ADGRL4: variants seen among roughly 807,000 people sequenced by gnomAD.
ADGRL4 encodes the protein EGF, latrophilin and seven transmembrane domain containing 1.
ADGRL4 carries 90 observed loss-of-function variants against 74.8 expected under a neutral mutation model. That is an observed-to-expected ratio of 1.20 (90% CI 1.02 to 1.43). The LOEUF is 1.43. Among genes scored for constraint, ADGRL4 ranks in the 40% most tolerant of loss-of-function variants. The pLI is 0.00. For synonymous variants in ADGRL4, 311 were observed against 279.2 expected (o/e 1.11, Z -1.14); for missense variants, 881 against 814.3 (o/e 1.08, Z -1.00).
chr1:78,965,300 T>C lies in ADGRL4; in HGVS notation c.173-18874A>G, dbSNP rs373145984. Among the ~76,000 whole-genome samples, 36 of 152,250 alleles carry C rather than the reference T, an allele frequency of 2.4e-4. 1 individual carries two copies. The highest frequency in any genetic ancestry group is 1.4e-3 in the Admixed American group (22 of 15,284). ...AAAATTTAGGCAAAAAACTGACGGATCATTCAATATTAACTATGCTAGAAA... is the reference window on the plus strand; with the variant it reads ...AAAATTTAGGCAAAAAACTGACGGACCATTCAATATTAACTATGCTAGAAA... On this transcript the variant is annotated intron_variant, in intron 2 of 14. Coordinates refer to ENST00000370742, the MANE Select transcript of ADGRL4 (RefSeq NM_022159.4).
intron 3 of ADGRL4, among the ~76,000 whole-genome samples, chr1:78,944,288 C>G (rs1231082814): frequency 6.6e-6 from 1 of 152,156 alleles, no homozygotes; most frequent in Non-Finnish European, 1.5e-5. Flanking sequence ...TAAGATGTTA[C>G]AAGTTAGACT....
At chr1:78,898,129 A>T (rs1410325008) in intron 12 of ADGRL4, among the ~76,000 whole-genome samples, 1 of 152,152 alleles carries the variant, frequency 6.6e-6, no homozygotes, top group Admixed American at 6.6e-5. Context: ...AGGATAAAGA[A>T]TTAGAAAGCA....
chr1:78,988,627 G>T (rs1462074170), intron 2 of ADGRL4, among the ~76,000 whole-genome samples: 1 of 151,780 alleles, frequency 6.6e-6, no homozygotes, highest in African/African-American at 2.4e-5. Context: ...CCCTGACAGA[G>T]TAATTCCAGT....
chr1:78,937,012 G>C (rs6424620), intron 6 of ADGRL4, among the ~76,000 whole-genome samples: 93,249 of 151,980 alleles, frequency 0.61, 28,767 homozygotes, highest in East Asian at 0.7. Context: ...CTCAGAAAAA[G>C]TTTATAGGGA....
intron 2 of ADGRL4, 50 bp downstream of exon 2, chr1:79,005,020 A>C: frequency 6.5e-7 from 1 of 1,533,710 alleles, no homozygotes; most frequent in East Asian, 2.3e-5. Flanking sequence ...CAGTCCCATC[A>C]GAATTTAATC....
intron 2 of ADGRL4, among the ~76,000 whole-genome samples, chr1:78,949,918 T>A (rs1649686621): frequency 6.6e-6 from 1 of 152,158 alleles, no homozygotes. Context: ...TGATAAAAAA[T>A]TCTTCCTCGT....
intron 2 of ADGRL4, among the ~76,000 whole-genome samples, chr1:78,992,808 A>G (rs957149792): frequency 1.3e-5 from 2 of 152,124 alleles, no homozygotes; most frequent in Non-Finnish European, 2.9e-5. Flanking sequence ...CAAAAGCTAT[A>G]TAATATATAC....
chr1:78,959,296 A>T (rs191292112), intron 2 of ADGRL4, among the ~76,000 whole-genome samples: 370 of 152,326 alleles, frequency 2.4e-3, no homozygotes, highest in African/African-American at 8.3e-3. Context: ...AATCAAAGAA[A>T]CTAAAATTAA....
At chr1:78,968,538 G>C (rs1390948164) in intron 2 of ADGRL4, among the ~76,000 whole-genome samples, 1 of 150,784 alleles carries the variant, frequency 6.6e-6, no homozygotes, top group Non-Finnish European at 1.5e-5. Context: ...TCGGCAATCA[G>C]TTCAATTACC....
Position 78,927,055 on chromosome 1 carries a change from A to G in ADGRL4, c.914T>C (p.Ile305Thr), listed in dbSNP as rs561425488. 2.9e-5 allele frequency: 46 copies of G among 1,606,084 alleles called. No homozygotes were observed. The Middle Eastern group carries it at 7.5e-4, about 26-fold the overall frequency. The change falls in exon 8 of 15, where the codon ATT (isoleucine) becomes ACT (threonine). Residue 305 changes from isoleucine (I) to threonine (T), a missense_variant. By Grantham distance (89) the Ile-to-Thr change is moderately conservative (BLOSUM62 -1). Transcript: ENST00000370742. ...GTCAGATGATGAAAGCAAAGGACCA[A>G]TACTCTTATAATATACAAATGCAAC... ...VAVAFVYYKSIGPLLSSSDNF... is the reference protein window; with the variant it reads ...VAVAFVYYKSTGPLLSSSDNF...
In ADGRL4 at chr1:79,006,716, C is replaced by A. The variant is rs1191989913; in HGVS notation, c.-62G>T. ...CGGCGGAGTGAGTGCGGCTGTGGAC[C>A]CGGGACCGGGCGCCGCTGGGCGGGC... On this transcript the variant is annotated 5_prime_UTR_variant, in exon 1 of 15. Coordinates refer to ENST00000370742, the MANE Select transcript of ADGRL4 (RefSeq NM_022159.4). The A allele has an allele frequency of 5.7e-6, 8 of 1,402,958 alleles. No individual in the cohort carries two copies. Among genetic ancestry groups the A allele is most frequent in the Middle Eastern group, 2.5e-4 (1 of 4,008 alleles). 86.9% of individuals were successfully genotyped at this position (1,402,958 alleles called of 1,614,324 possible). A position where few individuals can be genotyped will look rare whatever the true frequency, so the allele number is the denominator to read the frequency against.
chr1:78,959,973 ATTT>A (rs1159304927), intron 2 of ADGRL4, among the ~76,000 whole-genome samples: 1 of 152,218 alleles, frequency 6.6e-6, no homozygotes, highest in Non-Finnish European at 1.5e-5. Context: ...CAACACAAAT[ATTT>A]TGAATAAGCT....
chr1:78,963,881 G>T (rs1650002405), intron 2 of ADGRL4, among the ~76,000 whole-genome samples: 1 of 152,166 alleles, frequency 6.6e-6, no homozygotes, highest in Non-Finnish European at 1.5e-5. Flanking sequence ...CAAAAAATGT[G>T]AGTAATTTAT....
intron 2 of ADGRL4, among the ~76,000 whole-genome samples, chr1:78,994,056 C>T (rs1650667902): frequency 6.6e-6 from 1 of 152,136 alleles, no homozygotes; most frequent in South Asian, 2.1e-4. Flanking sequence ...CTAACTCTGT[C>T]TTAGGAAATG....
intron 8 of ADGRL4, among the ~76,000 whole-genome samples, chr1:78,925,512 G>A (rs1649092879): frequency 6.6e-6 from 1 of 151,840 alleles, no homozygotes; most frequent in Admixed American, 6.6e-5. Flanking sequence ...AATTATCAGG[G>A]AATCAGGACA....
At chr1:78,979,901 G>C (rs1236082828) in intron 2 of ADGRL4, among the ~76,000 whole-genome samples, 1 of 151,856 alleles carries the variant, frequency 6.6e-6, no homozygotes. Context: ...AAGGGTAGGA[G>C]GGAGAGATGA....
chr1:78,968,306 G>A (rs1338139333), intron 2 of ADGRL4, among the ~76,000 whole-genome samples: 1 of 152,024 alleles, frequency 6.6e-6, no homozygotes, highest in Non-Finnish European at 1.5e-5. Context: ...CTTCTTGGAA[G>A]GCCAGAGGGT....
chr1:78,940,757 C>A (rs1232448184), intron 3 of ADGRL4, among the ~76,000 whole-genome samples: 1 of 152,018 alleles, frequency 6.6e-6, no homozygotes, highest in Non-Finnish European at 1.5e-5. Context: ...GGGTGTGTAA[C>A]CAAAGTCTAA....
At chr1:78,902,531 G>A (rs190827624) in intron 12 of ADGRL4, among the ~76,000 whole-genome samples, 1 of 152,100 alleles carries the variant, frequency 6.6e-6, no homozygotes, top group African/African-American at 2.4e-5. Flanking sequence ...TTCATACCTA[G>A]TAGACAGGTT....
Sources: gnomAD v4.1 joint callset for allele counts (sites outside exome capture counted in the v4.1 genomes callset) on GRCh38, gnomAD v4.1.1 for gene constraint, MANE v1.5 for transcripts, NCBI Gene and HGNC (gene_info 2026-07-23, HGNC 2026-07-21) for gene names.